PCDH9: variants seen among roughly 807,000 people sequenced by gnomAD.
PCDH9 encodes the protein protocadherin 9.
Under a neutral mutation model 70.6 loss-of-function variants are expected in PCDH9, and 24 were observed. The ratio of observed to expected loss-of-function variants is 0.34; its 90% CI spans 0.25 to 0.48. The LOEUF is 0.48. Among genes scored for constraint, PCDH9 ranks in the 20% least tolerant of loss-of-function variants. The pLI is 0.99. For synonymous variants in PCDH9, 562 were observed against 558.5 expected, an observed-to-expected ratio of 1.01 and a Z score of -0.09; for missense variants, 1,281 against 1,503.6, an observed-to-expected ratio of 0.85 and a Z score of 2.45.
chr13:67,162,358 G>A (rs909695639), intron 2 of PCDH9, among the ~76,000 whole-genome samples: 5 of 152,176 alleles, frequency 3.3e-5, no homozygotes, highest in Admixed American at 6.5e-5. Flanking sequence ...TGTATCTCTA[G>A]AATTTTAGCT....
intron 4 of PCDH9, among the ~76,000 whole-genome samples, chr13:66,482,370 A>C (rs1042519601): frequency 6.6e-6 from 1 of 152,144 alleles, no homozygotes; most frequent in Admixed American, 6.5e-5. Context: ...AGCCTTAGCC[A>C]CTGCTGTCTA....
At chr13:66,896,038 G>A (rs1377004255) in intron 3 of PCDH9, among the ~76,000 whole-genome samples, 2 of 152,190 alleles carry the variant, frequency 1.3e-5, no homozygotes, top group African/African-American at 4.8e-5. Flanking sequence ...TGTCCATCAA[G>A]CCTGCGACCA....
At chr13:67,000,720 C>G (rs1485874619) in intron 2 of PCDH9, among the ~76,000 whole-genome samples, 1 of 152,098 alleles carries the variant, frequency 6.6e-6, no homozygotes, top group Non-Finnish European at 1.5e-5. Context: ...ATCAATATTT[C>G]TTTGTGCAGT....
At chr13:66,471,594 C>T (rs368898643) in intron 4 of PCDH9, among the ~76,000 whole-genome samples, 60 of 152,172 alleles carry the variant, frequency 3.9e-4, no homozygotes, top group South Asian at 1.0e-3. Context: ...CTATGTGAAA[C>T]GGCTTACTTG....
intron 4 of PCDH9, among the ~76,000 whole-genome samples, chr13:66,531,619 T>C (rs1158547404): frequency 1.3e-5 from 2 of 152,142 alleles, no homozygotes; most frequent in East Asian, 3.9e-4. Context: ...TAAGTAATAT[T>C]GATTATGCTT....
intron 4 of PCDH9, among the ~76,000 whole-genome samples, chr13:66,397,252 C>CTACAA (rs1283260282): frequency 6.6e-6 from 1 of 151,942 alleles, no homozygotes; most frequent in African/African-American, 2.4e-5. Flanking sequence ...GATACAGTCT[C>CTACAA]TACAAAAAAA....
intron 2 of PCDH9, among the ~76,000 whole-genome samples, chr13:67,036,329 C>T (rs150565695): frequency 1.3e-3 from 203 of 152,184 alleles, no homozygotes; most frequent in African/African-American, 4.7e-3. Context: ...ATTCAGGTTC[C>T]AGCCATTCAA....
intron 2 of PCDH9, among the ~76,000 whole-genome samples, chr13:67,082,800 A>C (rs1304460378): frequency 1.3e-5 from 2 of 152,166 alleles, no homozygotes; most frequent in Non-Finnish European, 2.9e-5. Context: ...CCTTGCTCCA[A>C]AAATATTTGT....
intron 4 of PCDH9, among the ~76,000 whole-genome samples, chr13:66,374,394 A>G (rs1392132666): frequency 1.3e-5 from 2 of 152,066 alleles, no homozygotes; most frequent in African/African-American, 2.4e-5. Context: ...GGAATTAAAA[A>G]GATAATACTT....
At chr13:66,822,169 G>C (rs1333525589) in intron 3 of PCDH9, among the ~76,000 whole-genome samples, 2 of 141,384 alleles carry the variant, frequency 1.4e-5, no homozygotes, top group Non-Finnish European at 3.2e-5. Flanking sequence ...CTCATATATA[G>C]ACATAACTAC....
chr13:66,456,806 T>A (rs1958326094), intron 4 of PCDH9, among the ~76,000 whole-genome samples: 2 of 152,148 alleles, frequency 1.3e-5, no homozygotes, highest in African/African-American at 2.4e-5. Context: ...ATCTTTCATT[T>A]TGCTATGGAG....
chr13:66,983,306 A>T (rs577648872), intron 2 of PCDH9, among the ~76,000 whole-genome samples: 31 of 152,272 alleles, frequency 2.0e-4, no homozygotes, highest in African/African-American at 7.5e-4. Flanking sequence ...TTTAAAAATT[A>T]AAAAAATAAA....
intron 3 of PCDH9, among the ~76,000 whole-genome samples, chr13:66,703,841 C>T (rs2078678533): frequency 6.6e-6 from 1 of 151,952 alleles, no homozygotes; most frequent in Non-Finnish European, 1.5e-5. Flanking sequence ...GTGGAAGCTG[C>T]AGTGAGCCAT....
intron 2 of PCDH9, among the ~76,000 whole-genome samples, chr13:67,140,503 T>C (rs1021247172): frequency 3.3e-5 from 5 of 152,170 alleles, no homozygotes; most frequent in Admixed American, 6.5e-5. Flanking sequence ...AAACCAGTCC[T>C]CTTTTTAGAG....
intron 3 of PCDH9, among the ~76,000 whole-genome samples, chr13:66,679,164 A>G (rs1227167238): frequency 1.3e-5 from 2 of 151,708 alleles, no homozygotes; most frequent in Non-Finnish European, 2.9e-5. Context: ...ACTCTTGATC[A>G]TACTGTACAT....
intron 4 of PCDH9, among the ~76,000 whole-genome samples, chr13:66,592,303 GA>G (rs2077048519): frequency 6.6e-6 from 1 of 151,642 alleles, no homozygotes. Context: ...TGTTAACTCA[GA>G]GATCAGTATC....
chr13:66,602,008 T>C (rs1190957588), intron 4 of PCDH9, among the ~76,000 whole-genome samples: 6 of 145,912 alleles, frequency 4.1e-5, no homozygotes, highest in Non-Finnish European at 9.2e-5. Context: ...CTTCTACTTA[T>C]TAAAAAAAAA....
chr13:67,126,826 G>C (rs1280182380), intron 2 of PCDH9, among the ~76,000 whole-genome samples: 2 of 152,064 alleles, frequency 1.3e-5, no homozygotes, highest in East Asian at 1.9e-4. Context: ...CTCCAATCTG[G>C]CAACACAGTG....
intron 3 of PCDH9, among the ~76,000 whole-genome samples, chr13:66,837,683 C>T (rs1258621849): frequency 6.6e-6 from 1 of 152,182 alleles, no homozygotes; most frequent in Non-Finnish European, 1.5e-5. Context: ...TGCTCTGATT[C>T]CTACTAAGAA....
Sources: allele counts gnomAD v4.1 joint callset (sites outside exome capture counted in the v4.1 genomes callset), GRCh38; gene constraint gnomAD v4.1.1; transcripts MANE v1.5; gene names NCBI Gene and HGNC (gene_info 2026-07-23, HGNC 2026-07-21).